Variants in SLC24A3 observed in about 807,000 individuals in gnomAD.
SLC24A3 encodes sodium/potassium/calcium exchanger 3.
A neutral mutation model predicts 75.8 loss-of-function variants in SLC24A3; 28 were observed. The ratio of observed to expected loss-of-function variants is 0.37; its 90% CI spans 0.27 to 0.51. The LOEUF (loss-of-function observed/expected upper bound fraction) is 0.51, where lower values mean the gene tolerates loss of function less well. Among genes scored for constraint, SLC24A3 ranks in the 20% least tolerant of loss-of-function variants. SLC24A3 has a pLI of 0.94. For missense variants in SLC24A3, 663 were observed against 847.8 expected (o/e 0.78, Z 2.71); for synonymous variants, 372 against 334.1 (o/e 1.11, Z -1.24).
intron 2 of SLC24A3, among the ~76,000 whole-genome samples, chr20:19,418,921 G>T (rs923764505): frequency 6.6e-5 from 10 of 152,094 alleles, no homozygotes; most frequent in Admixed American, 3.3e-4. Context: ...TTAGAATAAT[G>T]ACTGTAATGA....
intron 6 of SLC24A3, among the ~76,000 whole-genome samples, chr20:19,637,272 G>T (rs2032013381): frequency 6.6e-6 from 1 of 152,250 alleles, no homozygotes; most frequent in Non-Finnish European, 1.5e-5. Flanking sequence ...CTGCACTCCA[G>T]CCTGGGCAAC....
chr20:19,657,700 A>G (rs1189266017), intron 7 of SLC24A3, among the ~76,000 whole-genome samples: 2 of 152,230 alleles, frequency 1.3e-5, no homozygotes, highest in African/African-American at 4.8e-5. Context: ...TTTCACACTC[A>G]AAAGTGCTGC....
intron 1 of SLC24A3, chr20:19,213,550 G>A (rs1981469108): frequency 6.6e-6 from 1 of 152,288 alleles, no homozygotes; most frequent in Non-Finnish European, 1.5e-5. Context: ...TGGGCTAGTA[G>A]GGGACTTGTT....
At chr20:19,522,164 T>C (rs893893761) in intron 3 of SLC24A3, among the ~76,000 whole-genome samples, 3 of 152,198 alleles carry the variant, frequency 2.0e-5, no homozygotes, top group African/African-American at 7.2e-5. Context: ...CACATGTAGC[T>C]AGGAATCACC....
intron 2 of SLC24A3, among the ~76,000 whole-genome samples, chr20:19,420,624 TAATTTAC>T (rs1448549172): frequency 3.2e-5 from 2 of 62,772 alleles, no homozygotes; most frequent in African/African-American, 1.7e-4. Flanking sequence ...CATAATTTCA[TAATTTAC>T]AGATTCAATG....
chr20:19,651,309 G>T (rs2032198795), intron 6 of SLC24A3, among the ~76,000 whole-genome samples: 1 of 149,496 alleles, frequency 6.7e-6, no homozygotes, highest in South Asian at 2.1e-4. Flanking sequence ...TTGAAGGCAT[G>T]ACTCCATTTT....
chr20:19,303,875 C>A (rs1984259313), intron 2 of SLC24A3, among the ~76,000 whole-genome samples: 1 of 152,096 alleles, frequency 6.6e-6, no homozygotes, highest in African/African-American at 2.4e-5. Context: ...GCCAAGTCAC[C>A]CTACTGTGTG....
chr20:19,601,175 C>T lies in SLC24A3; in HGVS notation c.612+15631C>T, dbSNP rs8124404. Among the ~76,000 whole-genome samples the T allele has an allele frequency of 3.9e-3, 589 of 152,332 alleles. 1 individual carries two copies. The highest frequency in any genetic ancestry group is 9.3e-3 in the South Asian group (45 of 4,828). ...ATGTAAAACACCCAGAAGACCCATT[C>T]GCCTTCTCCTCTACCTGTGTTGCCA... On this transcript the variant is annotated intron_variant, in intron 6 of 16. Coordinates refer to ENST00000328041, the MANE Select transcript of SLC24A3 (RefSeq NM_020689.4).
intron 1 of SLC24A3, among the ~76,000 whole-genome samples, chr20:19,270,167 T>C (rs1983283649): frequency 6.6e-6 from 1 of 152,198 alleles, no homozygotes; most frequent in Non-Finnish European, 1.5e-5. Flanking sequence ...ATGCTTCTAG[T>C]GACTCAGATC....
intron 2 of SLC24A3, among the ~76,000 whole-genome samples, chr20:19,338,193 A>G (rs2223848): frequency 0.096 from 14,598 of 152,218 alleles, 1,839 homozygotes; most frequent in African/African-American, 0.29. Context: ...GAAGTTTCGC[A>G]TGGCAAAGTC....
chr20:19,596,649 G>A (rs142142605), intron 6 of SLC24A3, among the ~76,000 whole-genome samples: 1 of 152,270 alleles, frequency 6.6e-6, no homozygotes, highest in East Asian at 1.9e-4. Flanking sequence ...GCTTCCCTTG[G>A]TGGCACTTGT....
At chr20:19,301,707 T>G (rs1984200550) in intron 2 of SLC24A3, among the ~76,000 whole-genome samples, 1 of 152,152 alleles carries the variant, frequency 6.6e-6, no homozygotes, top group Admixed American at 6.5e-5. Flanking sequence ...CTCTCTTCAG[T>G]TTTTTAGTCG....
chr20:19,376,977 G>A (rs1053558113), intron 2 of SLC24A3, among the ~76,000 whole-genome samples: 4 of 152,208 alleles, frequency 2.6e-5, no homozygotes, highest in Non-Finnish European at 5.9e-5. Context: ...GTTAGCAGAG[G>A]AAATGCCACC....
At chr20:19,328,061 G>A (rs80137999) in intron 2 of SLC24A3, among the ~76,000 whole-genome samples, 7 of 152,142 alleles carry the variant, frequency 4.6e-5, no homozygotes, top group African/African-American at 1.7e-4. Context: ...CAAGGTTGAG[G>A]TGACATTTGA....
At chr20:19,331,002 C>A (rs1168181162) in intron 2 of SLC24A3, among the ~76,000 whole-genome samples, 1 of 152,184 alleles carries the variant, frequency 6.6e-6, no homozygotes, top group African/African-American at 2.4e-5. Context: ...GGACTGTGTT[C>A]TTCCAAAATG....
rs111580258 is a variant in SLC24A3 at position 19,701,006 on chromosome 20, A to T, written c.1719+2326A>T. Among the ~76,000 whole-genome samples the T allele has an allele frequency of 1.1e-4, 17 of 152,322 alleles. 1 individual carries two copies. Among genetic ancestry groups the T allele is most frequent in the African/African-American group, 3.8e-4 (16 of 41,568 alleles). The stretch of plus-strand genomic sequence containing the variant: ...AGTTATATAAAAGATTGTTTTCCAG[A>T]ATGACAATATTTTTTACATGGTTAT... On this transcript the variant is annotated intron_variant, in intron 15 of 16. Coordinates refer to ENST00000328041, the MANE Select transcript of SLC24A3 (RefSeq NM_020689.4).
chr20:19,232,692 A>T (rs753911200), intron 1 of SLC24A3, among the ~76,000 whole-genome samples: 5 of 152,226 alleles, frequency 3.3e-5, no homozygotes, highest in African/African-American at 4.8e-5. Flanking sequence ...GCTTTTGCAT[A>T]TTGATAGAGA....
rs112628287 is a variant in SLC24A3, at chr20:19,373,342, A to G, written c.271+92255A>G. ...CCATGGTCACCTCCTCTGCAAAGGC[A>G]GAGCCTTGGAATGGTCTGACGTCAG... On this transcript the variant is annotated intron_variant, in intron 2 of 16. Transcript: ENST00000328041. 7.5e-3 allele frequency among the ~76,000 whole-genome samples: 1,143 copies of G among 152,324 alleles called. 13 individuals carry two copies. Among genetic ancestry groups the G allele is most frequent in the African/African-American group, 0.026 (1,101 of 41,568 alleles).
chr20:19,430,288 T>A (rs1987077477), intron 2 of SLC24A3, among the ~76,000 whole-genome samples: 1 of 152,168 alleles, frequency 6.6e-6, no homozygotes, highest in South Asian at 2.1e-4. Flanking sequence ...CAGACAAGGC[T>A]TAAAGCAGAG....
Sources: gnomAD v4.1 joint callset for allele counts (sites outside exome capture counted in the v4.1 genomes callset) on GRCh38, gnomAD v4.1.1 for gene constraint, MANE v1.5 for transcripts, NCBI Gene and HGNC (gene_info 2026-07-23, HGNC 2026-07-21) for gene names.